CPLX2: variants seen among roughly 807,000 people sequenced by gnomAD.
CPLX2 encodes complexin-2.
CPLX2 carries 5 observed loss-of-function variants against 16.3 expected under a neutral mutation model. The ratio of observed to expected loss-of-function variants is 0.31; its 90% CI spans 0.16 to 0.64. The LOEUF (loss-of-function observed/expected upper bound fraction) is 0.64. CPLX2 is among the 30% of genes least tolerant of loss of function. The pLI is 0.79. For missense variants in CPLX2, 144 were observed against 181.4 expected, an observed-to-expected ratio of 0.79 and a Z score of 1.18; for synonymous variants, 89 against 73.2, an observed-to-expected ratio of 1.22 and a Z score of -1.10.
chr5:175,855,400 A>G (rs1759235264), intron 2 of CPLX2, among the ~76,000 whole-genome samples: 1 of 152,258 alleles, frequency 6.6e-6, no homozygotes, highest in Admixed American at 6.5e-5. Flanking sequence ...TGAACTACTT[A>G]GCACAATGCC....
upstream of CPLX2, among the ~76,000 whole-genome samples, chr5:175,870,615 TAAAAC>T (rs10577446): frequency 0.7 from 105,160 of 150,716 alleles, 37,175 homozygotes; most frequent in East Asian, 0.97. Context: ...GTGAGAGTAA[TAAAAC>T]AAAACAAAAC....
intron 2 of CPLX2, among the ~76,000 whole-genome samples, chr5:175,815,582 A>G (rs1265276404): frequency 6.6e-6 from 1 of 152,154 alleles, no homozygotes; most frequent in East Asian, 1.9e-4. Flanking sequence ...CTTTTTTAGT[A>G]TTATCAATTC....
chr5:175,828,716 C>A (rs1463726507), intron 2 of CPLX2, among the ~76,000 whole-genome samples: 1 of 152,164 alleles, frequency 6.6e-6, no homozygotes, highest in African/African-American at 2.4e-5. Flanking sequence ...GCCCCCACAG[C>A]GTCTTCCTCT....
intron 2 of CPLX2, among the ~76,000 whole-genome samples, chr5:175,843,122 C>A (rs560549861): frequency 1.2e-4 from 19 of 152,280 alleles, no homozygotes; most frequent in Non-Finnish European, 1.8e-4. Flanking sequence ...GAGGGCCAGT[C>A]GGTCAGGCAG....
intron 1 of CPLX2, among the ~76,000 whole-genome samples, chr5:175,808,419 C>T (rs1209181600): frequency 6.6e-6 from 1 of 151,740 alleles, no homozygotes; most frequent in Non-Finnish European, 1.5e-5. Flanking sequence ...ATGCATGGTG[C>T]CCCCTAGAAT....
intron 2 of CPLX2, among the ~76,000 whole-genome samples, chr5:175,844,958 A>T (rs1053782457): frequency 3.9e-5 from 6 of 152,198 alleles, no homozygotes; most frequent in African/African-American, 1.4e-4. Context: ...AGACACCAGA[A>T]TAGCTACAGA....
At chr5:175,842,369 C>G (rs935573842) in intron 2 of CPLX2, among the ~76,000 whole-genome samples, 1 of 152,246 alleles carries the variant, frequency 6.6e-6, no homozygotes, top group Non-Finnish European at 1.5e-5. Flanking sequence ...ATTATTATCT[C>G]CTCCTAAAGA....
chr5:175,823,430 G>A (rs909548542), intron 2 of CPLX2, among the ~76,000 whole-genome samples: 13 of 152,312 alleles, frequency 8.5e-5, no homozygotes, highest in Non-Finnish European at 1.9e-4. Flanking sequence ...GTTGGATAAT[G>A]AGTGGATGAA....
At chr5:175,844,233 T>C (rs184078720) in intron 2 of CPLX2, among the ~76,000 whole-genome samples, 33 of 152,264 alleles carry the variant, frequency 2.2e-4, no homozygotes, top group Admixed American at 1.4e-3. Flanking sequence ...TGCCTGGCAG[T>C]TTTGAATGTT....
chr5:175,836,267 A>G lies in CPLX2; in HGVS notation c.-89+27199A>G, dbSNP rs572472007. Among the ~76,000 whole-genome samples, 332 of 152,110 alleles carry G rather than the reference A, an allele frequency of 2.2e-3. 2 individuals are homozygous for G. The highest frequency in any genetic ancestry group is 3.9e-3 in the African/African-American group (164 of 41,542). ...TGGGAGGCTGAGGCAGGAGAATGGC[A>G]TGAACCCGGGAGGCGGAGCTTGCAG... On this transcript the variant is annotated intron_variant, in intron 2 of 4. Transcript: ENST00000359546.
chr5:175,865,770 C>G (rs1240789240), intron 2 of CPLX2, among the ~76,000 whole-genome samples: 1 of 152,178 alleles, frequency 6.6e-6, no homozygotes, highest in Admixed American at 6.5e-5. Context: ...GTCAGAAACA[C>G]CTGCGGAGCT....
At chr5:175,818,982 A>T (rs1758460666) in intron 2 of CPLX2, among the ~76,000 whole-genome samples, 1 of 152,140 alleles carries the variant, frequency 6.6e-6, no homozygotes, top group East Asian at 1.9e-4. Context: ...AATTTCATAG[A>T]TTCATTGGCT....
chr5:175,843,711 C>G (rs1003668180), intron 2 of CPLX2, among the ~76,000 whole-genome samples: 3 of 152,248 alleles, frequency 2.0e-5, no homozygotes, highest in African/African-American at 4.8e-5. Flanking sequence ...GGCCCAGGGT[C>G]TCGCTCCATG....
At chr5:175,833,112 C>T (rs115881635) in intron 2 of CPLX2, among the ~76,000 whole-genome samples, 6,765 of 150,526 alleles carry the variant, frequency 0.045, 183 homozygotes, top group Middle Eastern at 0.12. Context: ...GCTGAGATCG[C>T]GCCACCGTGC....
chr5:175,878,349 T>G (rs1755460806), intron 1 of CPLX2: 1 of 242,130 alleles, frequency 4.1e-6, no homozygotes, highest in Non-Finnish European at 7.9e-6. Flanking sequence ...CAGATCTGCC[T>G]GACTCCAAGT....
intron 2 of CPLX2, among the ~76,000 whole-genome samples, chr5:175,812,782 AAAG>A (rs1758336902): frequency 6.6e-6 from 1 of 152,214 alleles, no homozygotes; most frequent in African/African-American, 2.4e-5. Context: ...AGAAGGCCTC[AAAG>A]AAGAAGCCCT....
At chr5:175,811,876 C>A (rs997840773) in intron 2 of CPLX2, among the ~76,000 whole-genome samples, 1 of 152,186 alleles carries the variant, frequency 6.6e-6, no homozygotes, top group Non-Finnish European at 1.5e-5. Context: ...TCTGCCAGGA[C>A]CTTTTCATAT....
chr5:175,851,894 C>A (rs1034940061), intron 2 of CPLX2, among the ~76,000 whole-genome samples: 1 of 152,230 alleles, frequency 6.6e-6, no homozygotes, highest in Non-Finnish European at 1.5e-5. Context: ...TTTTGACAAG[C>A]CTGCCACAGC....
At chr5:175,842,861 A>G (rs1342610164) in intron 2 of CPLX2, among the ~76,000 whole-genome samples, 1 of 152,214 alleles carries the variant, frequency 6.6e-6, no homozygotes, top group Non-Finnish European at 1.5e-5. Flanking sequence ...CTGAGGAAAG[A>G]AAGACCAGGG....
Sources: gnomAD v4.1 joint callset for allele counts (sites outside exome capture counted in the v4.1 genomes callset) on GRCh38, gnomAD v4.1.1 for gene constraint, MANE v1.5 for transcripts, NCBI Gene and HGNC (gene_info 2026-07-23, HGNC 2026-07-21) for gene names.